HS3ST5: variants seen among roughly 807,000 people sequenced by gnomAD.
HS3ST5 encodes heparan sulfate glucosamine 3-O-sulfotransferase 5.
HS3ST5 carries 10 observed loss-of-function variants against 25.4 expected under a neutral mutation model. That is an observed-to-expected ratio of 0.39 (90% confidence interval 0.24 to 0.67). The LOEUF is 0.67. Among genes scored for constraint, HS3ST5 ranks in the 30% least tolerant of loss-of-function variants. HS3ST5 has a pLI of 0.44. For synonymous variants in HS3ST5, 170 were observed against 162.4 expected (o/e 1.05, Z -0.36); for missense variants, 324 against 420.7 (o/e 0.77, Z 2.01).
chr6:114,124,220 T>A (rs11970460), intron 3 of HS3ST5, among the ~76,000 whole-genome samples: 21,540 of 152,150 alleles, frequency 0.14, 1,570 homozygotes, highest in Middle Eastern at 0.21. Flanking sequence ...TTCCTGATGT[T>A]GCACTAAATG....
intron 1 of HS3ST5, chr6:114,239,274 T>G (rs1190677065): frequency 6.6e-6 from 1 of 152,240 alleles, no homozygotes; most frequent in East Asian, 1.9e-4. Context: ...CCTGCTCATG[T>G]ACCAGGGTAC....
intron 3 of HS3ST5, among the ~76,000 whole-genome samples, chr6:114,072,904 C>G (rs1773905489): frequency 6.6e-6 from 1 of 152,140 alleles, no homozygotes; most frequent in South Asian, 2.1e-4. Flanking sequence ...TACTACAAGG[C>G]TACAGTAACC....
chr6:114,314,773 T>C (rs1015260970), intron 1 of HS3ST5, among the ~76,000 whole-genome samples: 4 of 152,202 alleles, frequency 2.6e-5, no homozygotes, highest in Non-Finnish European at 4.4e-5. Context: ...GTTTTCTTCA[T>C]AGATAAACAG....
At chr6:114,265,650 C>T (rs1773373797) in intron 1 of HS3ST5, among the ~76,000 whole-genome samples, 1 of 152,080 alleles carries the variant, frequency 6.6e-6, no homozygotes, top group Non-Finnish European at 1.5e-5. Context: ...TGTGAAAATC[C>T]CTGGCCAAGA....
chr6:114,158,464 CAT>C lies in HS3ST5; in HGVS notation c.-33+9885_-33+9886del, dbSNP rs1269036419. ...GGTAGACTTTATTTATTATTATTAACATGTGTGAAGTGCTTCATGTGTGTTAT... is the reference window on the plus strand; with the variant it reads ...GGTAGACTTTATTTATTATTATTAACGTGTGAAGTGCTTCATGTGTGTTAT... On this transcript the variant is annotated intron_variant, in intron 3 of 4. Coordinates refer to ENST00000312719, the MANE Select transcript of HS3ST5 (RefSeq NM_153612.4). Among the ~76,000 whole-genome samples, 4 of 152,196 alleles carry C rather than the reference CAT, an allele frequency of 2.6e-5. No individual in the cohort carries two copies. In the East Asian group the frequency reaches 5.8e-4, roughly 22 times the overall value.
intron 1 of HS3ST5, among the ~76,000 whole-genome samples, chr6:114,319,167 A>T (rs1775865243): frequency 6.6e-6 from 1 of 152,312 alleles, no homozygotes; most frequent in Admixed American, 6.5e-5. Context: ...GATGTTATAT[A>T]TTCCAATCTC....
chr6:114,300,807 T>A (rs529135072), intron 1 of HS3ST5, among the ~76,000 whole-genome samples: 59 of 152,306 alleles, frequency 3.9e-4, no homozygotes, highest in African/African-American at 1.4e-3. Context: ...CAATAGAATA[T>A]TACTGTACAG....
chr6:114,128,872 G>C (rs566513603), intron 3 of HS3ST5, among the ~76,000 whole-genome samples: 15 of 152,252 alleles, frequency 9.9e-5, no homozygotes, highest in African/African-American at 3.4e-4. Flanking sequence ...AAAAATATTA[G>C]GTAGACACAC....
At chr6:114,231,757 AT>A (rs1371709664) in intron 1 of HS3ST5, among the ~76,000 whole-genome samples, 18 of 75,250 alleles carry the variant, frequency 2.4e-4, no homozygotes, top group African/African-American at 6.4e-4. Flanking sequence ...GCCCTATTCT[AT>A]TTAAAAAAAA....
intron 1 of HS3ST5, among the ~76,000 whole-genome samples, chr6:114,273,652 C>A (rs924060729): frequency 6.6e-6 from 1 of 151,962 alleles, no homozygotes; most frequent in Non-Finnish European, 1.5e-5. Flanking sequence ...AAGTCAAGTG[C>A]AAACAAAAAG....
intron 2 of HS3ST5, among the ~76,000 whole-genome samples, chr6:114,217,289 T>C (rs1030394502): frequency 6.6e-5 from 10 of 152,218 alleles, no homozygotes; most frequent in Non-Finnish European, 1.5e-4. Context: ...GTCATTAGGT[T>C]GCCATTTAAA....
chr6:114,223,296 T>A (rs935109617), intron 2 of HS3ST5, among the ~76,000 whole-genome samples: 23 of 151,790 alleles, frequency 1.5e-4, no homozygotes, highest in Non-Finnish European at 3.1e-4. Flanking sequence ...TTATCACAAA[T>A]GGGTATTACA....
chr6:114,228,094 T>A lies in HS3ST5; in HGVS notation c.-145+491A>T, dbSNP rs559034947. ...TAAGGTTTGAAAATGGGAACTAGAT[T>A]GTATTGAATGTCACTTTCAGTGTTT... is the stretch of plus-strand genomic sequence containing the variant. On this transcript the variant is annotated intron_variant, in intron 2 of 4. Coordinates refer to ENST00000312719, the MANE Select transcript of HS3ST5 (RefSeq NM_153612.4). 2.0e-5 allele frequency among the ~76,000 whole-genome samples: 3 copies of A among 152,238 alleles called. No individual in the cohort carries two copies. The East Asian group carries it at 5.8e-4, about 29-fold the overall frequency.
intron 3 of HS3ST5, among the ~76,000 whole-genome samples, chr6:114,064,877 C>T (rs1028646657): frequency 2.5e-4 from 38 of 152,088 alleles, no homozygotes; most frequent in African/African-American, 9.2e-4. Flanking sequence ...GAGGCATGAG[C>T]GAGCAGAGGA....
intron 3 of HS3ST5, among the ~76,000 whole-genome samples, chr6:114,123,046 G>A (rs1231724760): frequency 6.6e-6 from 1 of 152,162 alleles, no homozygotes; most frequent in Non-Finnish European, 1.5e-5. Flanking sequence ...TCCACCTCCT[G>A]GGTTCAAGCG....
chr6:114,335,642 G>A (rs1776579100), intron 1 of HS3ST5, among the ~76,000 whole-genome samples: 2 of 151,816 alleles, frequency 1.3e-5, no homozygotes, highest in South Asian at 4.2e-4. Context: ...TGTCCCAAAA[G>A]CCTCCTCTTT....
intron 3 of HS3ST5, among the ~76,000 whole-genome samples, chr6:114,120,263 T>C (rs546590997): frequency 7.2e-5 from 11 of 152,342 alleles, no homozygotes; most frequent in Non-Finnish European, 1.5e-4. Context: ...ATTATGACTG[T>C]ACCTTTACCT....
intron 3 of HS3ST5, among the ~76,000 whole-genome samples, chr6:114,148,936 ATT>A (rs1195674385): frequency 1.3e-5 from 2 of 152,232 alleles, no homozygotes; most frequent in Non-Finnish European, 1.5e-5. Flanking sequence ...ATGAACAGAC[ATT>A]TCTCAAAAGA....
chr6:114,210,641 G>A (rs1156465371), intron 2 of HS3ST5, among the ~76,000 whole-genome samples: 1 of 152,172 alleles, frequency 6.6e-6, no homozygotes, highest in Non-Finnish European at 1.5e-5. Flanking sequence ...TTCACATCTA[G>A]GTTTAGAAGG....
Sources: allele counts gnomAD v4.1 joint callset (sites outside exome capture counted in the v4.1 genomes callset), GRCh38; gene constraint gnomAD v4.1.1; transcripts MANE v1.5; gene names NCBI Gene and HGNC (gene_info 2026-07-23, HGNC 2026-07-21).